COL22A1: variants seen among roughly 807,000 people sequenced by gnomAD.
The protein encoded by COL22A1 is collagen type XXII alpha 1 chain.
COL22A1 carries 221 observed loss-of-function variants against 248.9 expected under a neutral mutation model. That is an observed-to-expected ratio of 0.89 (90% CI 0.80 to 0.99). COL22A1 has a LOEUF of 0.99. Among genes scored for constraint, COL22A1 ranks in the 50% least tolerant of loss-of-function variants. The pLI is 0.00. For synonymous variants in COL22A1, 891 were observed against 793.4 expected (o/e 1.12, Z -2.07); for missense variants, 2,240 against 2,179.0 (o/e 1.03, Z -0.56).
At chr8:138,611,421 G>T (rs1298521515) in intron 56 of COL22A1, among the ~76,000 whole-genome samples, 1 of 152,190 alleles carries the variant, frequency 6.6e-6, no homozygotes, top group African/African-American at 2.4e-5. Context: ...CTCCAGAATT[G>T]GATGCAAAAG....
chr8:138,845,338 G>A (rs1022838845), intron 3 of COL22A1, among the ~76,000 whole-genome samples: 2 of 151,766 alleles, frequency 1.3e-5, no homozygotes, highest in Non-Finnish European at 2.9e-5. Context: ...GTGAAACCCC[G>A]GCTCTACTAA....
At position 138,737,630 on chromosome 8, in the gene COL22A1, G is replaced by A. The variant is rs1831226698; in HGVS notation, c.2086-53C>T. The stretch of plus-strand genomic sequence containing the variant: ...AACAAGCAGGCAATTGTCAACCAGA[G>A]GGGGTTTAATAATGAGTCTCGGTGG... On this transcript the variant is annotated intron_variant, in intron 22 of 64. Coordinates refer to ENST00000303045, the MANE Select transcript of COL22A1 (RefSeq NM_152888.3). 2.4e-6 allele frequency: 3 copies of A among 1,237,942 alleles called. No individual in the cohort carries two copies. The South Asian group carries it at 3.6e-5, about 15-fold the overall frequency. 76.7% of individuals were successfully genotyped at this position (1,237,942 alleles called of 1,614,324 possible).
chr8:138,615,960 C>T (rs747549727), intron 55 of COL22A1, 41 bp downstream of exon 55: 1 of 1,533,822 alleles, frequency 6.5e-7, no homozygotes, highest in South Asian at 1.1e-5. Context: ...TACACCCACC[C>T]CCAGCCCCAG....
chr8:138,790,219 T>G (rs543133232), intron 12 of COL22A1, among the ~76,000 whole-genome samples: 1 of 152,302 alleles, frequency 6.6e-6, no homozygotes, highest in East Asian at 1.9e-4. Context: ...GGTTCATAGA[T>G]GGCTGTCTTT....
In COL22A1 at chr8:138,689,307, TAAG is replaced by T. The variant is rs375864293; in HGVS notation, c.2809-340_2809-338del. 1.2e-4 allele frequency among the ~76,000 whole-genome samples: 19 copies of T among 152,242 alleles called. 1 individual carries two copies. In the East Asian group the frequency reaches 2.9e-3, roughly 23 times the overall value. On this transcript the variant is annotated intron_variant, in intron 36 of 64. Coordinates refer to ENST00000303045, the MANE Select transcript of COL22A1 (RefSeq NM_152888.3). ...CACTCTGGGAAGATGAGGATGGCCTTAAGAACCCAGCCTTAGCATTGGGGCATC... is the reference window on the plus strand; with the variant it reads ...CACTCTGGGAAGATGAGGATGGCCTTAACCCAGCCTTAGCATTGGGGCATC...
At chr8:138,859,002 T>C (rs567098676) in intron 3 of COL22A1, among the ~76,000 whole-genome samples, 1 of 152,272 alleles carries the variant, frequency 6.6e-6, no homozygotes, top group Admixed American at 6.5e-5. Context: ...AGTCACTCCA[T>C]GTCTGCGGAT....
At chr8:138,753,485 G>A (rs895195908) in intron 21 of COL22A1, among the ~76,000 whole-genome samples, 24 of 152,130 alleles carry the variant, frequency 1.6e-4, no homozygotes, top group Non-Finnish European at 8.8e-5. Context: ...ACCCCGTGGG[G>A]CATCAGGCTA....
chr8:138,887,113 C>T (rs1447636054), intron 1 of COL22A1, among the ~76,000 whole-genome samples: 2 of 152,042 alleles, frequency 1.3e-5, no homozygotes. Context: ...CTATAGTCAC[C>T]CTATTATGCT....
chr8:138,901,369 G>GTTTGTT (rs1814547918), intron 1 of COL22A1, among the ~76,000 whole-genome samples: 1 of 118,772 alleles, frequency 8.4e-6, no homozygotes, highest in African/African-American at 3.1e-5. Flanking sequence ...TTTTTTTTTT[G>GTTTGTT]TTTTTTTTTT....
chr8:138,699,504 T>C lies in COL22A1; in HGVS notation c.2592+608A>G, dbSNP rs538447743. On this transcript the variant is annotated intron_variant, in intron 32 of 64. Transcript: ENST00000303045. ...TTCAGCCTACAGCATAAAGAGATCC[T>C]GAAAACACCTATTTTCTGAAGAGCC... Among the ~76,000 whole-genome samples the C allele has an allele frequency of 3.3e-5, 5 of 152,374 alleles. No homozygotes were observed. The South Asian group carries it at 8.3e-4, about 25-fold the overall frequency.
chr8:138,870,408 T>C (rs1036980279), intron 3 of COL22A1, among the ~76,000 whole-genome samples: 53 of 151,514 alleles, frequency 3.5e-4, no homozygotes, highest in African/African-American at 1.2e-3. Context: ...ATGGTTTCTG[T>C]TTCTGTGGGG....
chr8:138,808,817 G>A (rs570054121), intron 9 of COL22A1, among the ~76,000 whole-genome samples: 50 of 152,352 alleles, frequency 3.3e-4, no homozygotes, highest in African/African-American at 1.2e-3. Context: ...TCAGGCAAAC[G>A]AAGATAAATA....
intron 30 of COL22A1, among the ~76,000 whole-genome samples, chr8:138,709,453 CA>C (rs1408368081): frequency 1.3e-5 from 2 of 152,090 alleles, no homozygotes; most frequent in African/African-American, 4.8e-5. Context: ...GAATACTACG[CA>C]GCCATAAAAA....
At chr8:138,680,721 G>T (rs116042875) in intron 39 of COL22A1, among the ~76,000 whole-genome samples, 98 of 152,220 alleles carry the variant, frequency 6.4e-4, no homozygotes, top group African/African-American at 2.2e-3. Context: ...TCTTCCTCCG[G>T]CTGAGCAACC....
In COL22A1 at chr8:138,880,868, T is replaced by C. The variant is rs147695183; in HGVS notation, c.91+2214A>G. ...GACTGTAATCCTAGAACAAATTTGT[T>C]TGAAGGCTACAGAAGTTTCATTTGT... is the stretch of plus-strand genomic sequence containing the variant. On this transcript the variant is annotated intron_variant, in intron 2 of 64. Transcript: ENST00000303045. Among the ~76,000 whole-genome samples, 83 of 152,330 alleles carry C rather than the reference T, an allele frequency of 5.4e-4. 2 individuals are homozygous for C. In the South Asian group the frequency reaches 0.012, roughly 22 times the overall value.
intron 22 of COL22A1, among the ~76,000 whole-genome samples, chr8:138,749,573 A>T (rs1365173807): frequency 6.6e-6 from 1 of 152,236 alleles, no homozygotes; most frequent in South Asian, 2.1e-4. Flanking sequence ...CAGCTGTCAC[A>T]TCATGCCGCC....
At chr8:138,746,690 C>A (rs1832141594) in intron 22 of COL22A1, among the ~76,000 whole-genome samples, 1 of 152,216 alleles carries the variant, frequency 6.6e-6, no homozygotes, top group African/African-American at 2.4e-5. Flanking sequence ...TGTGCTAATG[C>A]TCCCACCATC....
intron 44 of COL22A1, among the ~76,000 whole-genome samples, chr8:138,656,325 A>G (rs1294968001): frequency 6.6e-6 from 1 of 152,236 alleles, no homozygotes; most frequent in Non-Finnish European, 1.5e-5. Context: ...TGTCATGGAT[A>G]TCCCAAAAGA....
chr8:138,702,237 C>G (rs1277636465), intron 31 of COL22A1, among the ~76,000 whole-genome samples: 1 of 152,164 alleles, frequency 6.6e-6, no homozygotes, highest in East Asian at 1.9e-4. Flanking sequence ...CCTGCCAATG[C>G]TGTAGGTTAT....
Sources: allele counts gnomAD v4.1 joint callset (sites outside exome capture counted in the v4.1 genomes callset), GRCh38; gene constraint gnomAD v4.1.1; transcripts MANE v1.5; gene names NCBI Gene and HGNC (gene_info 2026-07-23, HGNC 2026-07-21).